Variants in VRK3 observed in about 807,000 individuals in gnomAD.
The protein encoded by VRK3 is VRK serine/threonine kinase 3.
Under a neutral mutation model 60.4 loss-of-function variants are expected in VRK3, and 50 were observed. That is an observed-to-expected ratio of 0.83 (90% confidence interval 0.66 to 1.05). The LOEUF (loss-of-function observed/expected upper bound fraction) is 1.05, where lower values mean the gene tolerates loss of function less well. Among genes scored for constraint, VRK3 ranks in the 50% least tolerant of loss-of-function variants. VRK3 has a pLI of 0.00. For missense variants in VRK3, 549 were observed against 585.3 expected, an observed-to-expected ratio of 0.94 and a Z score of 0.64; for synonymous variants, 246 against 227.8, an observed-to-expected ratio of 1.08 and a Z score of -0.72.
At chr19:49,983,904 C>T (rs929483980) in intron 12 of VRK3, among the ~76,000 whole-genome samples, 3 of 152,010 alleles carry the variant, frequency 2.0e-5, no homozygotes, top group Non-Finnish European at 4.4e-5. Context: ...TCAACATTGC[C>T]AGCTACTCTC....
chr19:50,023,710 T>C (rs2077208468), intron 1 of VRK3, among the ~76,000 whole-genome samples: 2 of 149,948 alleles, frequency 1.3e-5, no homozygotes, highest in Admixed American at 1.3e-4. Context: ...TTGTCTCCTT[T>C]GCAAAAGAAA....
At chr19:49,987,675 G>A (rs11669024) in intron 12 of VRK3, 1 of 148,342 alleles carries the variant, frequency 6.7e-6, no homozygotes, top group African/African-American at 2.6e-5. Flanking sequence ...TGATGAATGA[G>A]TCATAGTTTC....
intron 12 of VRK3, 73 bp downstream of exon 12, chr19:49,988,299 G>A: frequency 6.4e-7 from 1 of 1,553,538 alleles, no homozygotes; most frequent in South Asian, 1.2e-5. Context: ...CTCCCAGTTG[G>A]GCTCTGGGCT....
At position 50,005,769 on chromosome 19, in the gene VRK3, A is replaced by G. The variant is rs971354714; in HGVS notation, c.547+1800T>C. On this transcript the variant is annotated intron_variant, in intron 5 of 14. Transcript: ENST00000316763. ...CCGCTGGGTGAGGGATGCCAGACAC[A>G]AGAGGCCACACAGCGCAGGACTCCA... Among the ~76,000 whole-genome samples, 13 of 149,660 alleles carry G rather than the reference A, an allele frequency of 8.7e-5. 2 individuals carry two copies. Among genetic ancestry groups the G allele is most frequent in the African/African-American group, 3.1e-4 (12 of 38,958 alleles).
intron 2 of VRK3, among the ~76,000 whole-genome samples, chr19:50,017,775 A>G (rs1441467363): frequency 2.6e-5 from 4 of 152,034 alleles, no homozygotes; most frequent in African/African-American, 9.7e-5. Flanking sequence ...GGCTCAAGCA[A>G]TCTTCCCAGG....
intron 3 of VRK3, among the ~76,000 whole-genome samples, chr19:50,014,240 C>A (rs1170459973): frequency 1.3e-5 from 2 of 151,876 alleles, no homozygotes; most frequent in African/African-American, 4.8e-5. Context: ...TGCACTCCAG[C>A]CTGGGTGACA....
intron 3 of VRK3, among the ~76,000 whole-genome samples, chr19:50,010,305 T>C (rs551818575): frequency 5.3e-5 from 8 of 152,346 alleles, no homozygotes; most frequent in Non-Finnish European, 7.3e-5. Flanking sequence ...CTATTAATTC[T>C]AAAGTCTGTG....
At chr19:50,014,233 A>T (rs763016935) in intron 3 of VRK3, among the ~76,000 whole-genome samples, 1 of 151,930 alleles carries the variant, frequency 6.6e-6, no homozygotes, top group Admixed American at 6.6e-5. Context: ...GGGCCACTGC[A>T]CTCCAGCCTG....
At chr19:49,982,072 G>A in intron 12 of VRK3, 1 of 700,046 alleles carries the variant, frequency 1.4e-6, no homozygotes, top group Non-Finnish European at 2.6e-6. Context: ...GAGATATCTG[G>A]GTCAACCACA....
chr19:50,019,634 C>T (rs2077135157), intron 2 of VRK3, among the ~76,000 whole-genome samples: 1 of 144,218 alleles, frequency 6.9e-6, no homozygotes, highest in Admixed American at 7.1e-5. Context: ...CTCAGTCTCC[C>T]AAGTATCTGG....
At chr19:49,993,731 C>T (rs2076652394) in intron 9 of VRK3, among the ~76,000 whole-genome samples, 2 of 152,104 alleles carry the variant, frequency 1.3e-5, no homozygotes, top group African/African-American at 4.8e-5. Flanking sequence ...GCCTGAGTGT[C>T]AGCTACATTC....
intron 12 of VRK3, chr19:49,981,711 T>TA (rs2076425191): frequency 1.0e-6 from 1 of 999,796 alleles, no homozygotes; most frequent in African/African-American, 1.7e-5. Flanking sequence ...AAGATGGAAA[T>TA]AAAGATTTTA....
In VRK3 at chr19:49,979,098, G is replaced by C; in HGVS notation, c.1421C>G (p.Pro474Arg). ...CTCTTCCCACCTGGATTCCACCTAG[G>C]GCACCATCGGGAGGCCAATGGGGTC... ...PYDPIGLPMV[P>R] is the part of the protein sequence containing the mutation. The change falls in exon 14 of 15, where the codon CCC becomes CGC. Residue 474 changes from proline to arginine, a missense_variant. Coordinates refer to ENST00000316763, the MANE Select transcript of VRK3 (RefSeq NM_016440.4). 1 of 1,607,386 alleles carries C rather than the reference G, an allele frequency of 6.2e-7. No individual in the cohort carries two copies.
At chr19:49,980,335 A>G (rs1361206191) in intron 13 of VRK3, among the ~76,000 whole-genome samples, 1 of 152,208 alleles carries the variant, frequency 6.6e-6, no homozygotes, top group African/African-American at 2.4e-5. Flanking sequence ...TGGTGCATCT[A>G]TAAGGAAGGG....
intron 12 of VRK3, among the ~76,000 whole-genome samples, chr19:49,984,045 C>G (rs989072870): frequency 6.6e-6 from 1 of 152,170 alleles, no homozygotes. Flanking sequence ...CACCCTGCAC[C>G]ATGTTGGCGA....
intron 10 of VRK3, among the ~76,000 whole-genome samples, chr19:49,990,448 G>A (rs147287925): frequency 0.021 from 3,133 of 151,552 alleles, 56 homozygotes; most frequent in Non-Finnish European, 0.031. Flanking sequence ...GTGCAGTGGC[G>A]CGATCACGGC....
intron 2 of VRK3, among the ~76,000 whole-genome samples, chr19:50,019,513 C>G (rs1460405633): frequency 6.6e-6 from 1 of 151,520 alleles, no homozygotes; most frequent in East Asian, 2.0e-4. Flanking sequence ...CTGTACACTT[C>G]TTTTTTATTT....
chr19:50,010,550 T>C (rs1012804596), intron 3 of VRK3, among the ~76,000 whole-genome samples: 6 of 152,242 alleles, frequency 3.9e-5, no homozygotes, highest in African/African-American at 9.6e-5. Flanking sequence ...AGCTTGCATT[T>C]TGGGGGACCA....
rs1030312151 is a variant in VRK3 at position 49,993,973 on chromosome 19, T to C, written c.870+841A>G. The stretch of plus-strand genomic sequence containing the variant: ...CCGCCCTCCCCTAATCCCAGCACTC[T>C]TGTGGCTCTCCAGTGCCCTCAAGAC... On this transcript the variant is annotated intron_variant, in intron 9 of 14. Coordinates refer to ENST00000316763, the MANE Select transcript of VRK3 (RefSeq NM_016440.4). Among the ~76,000 whole-genome samples, 3 of 152,078 alleles carry C rather than the reference T, an allele frequency of 2.0e-5. No homozygotes were observed. The South Asian group carries it at 6.2e-4, about 32-fold the overall frequency.
Sources: gnomAD v4.1 joint callset for allele counts (sites outside exome capture counted in the v4.1 genomes callset) on GRCh38, gnomAD v4.1.1 for gene constraint, MANE v1.5 for transcripts, NCBI Gene and HGNC (gene_info 2026-07-23, HGNC 2026-07-21) for gene names.